Variants in AUTS2 observed in about 807,000 individuals in gnomAD.
AUTS2 encodes the protein autism susceptibility gene 2 protein.
Under a neutral mutation model 112.4 loss-of-function variants are expected in AUTS2, and 17 were observed. The ratio of observed to expected loss-of-function variants is 0.15; its 90% CI spans 0.10 to 0.23. AUTS2 has a LOEUF of 0.23. AUTS2 is among the 10% of genes least tolerant of loss of function. The pLI is 1.00. For synonymous variants in AUTS2, 751 were observed against 702.7 expected (o/e 1.07, Z -1.09); for missense variants, 1,510 against 1,701.6 (o/e 0.89, Z 1.98).
At chr7:70,314,061 C>T (rs565258630) in intron 4 of AUTS2, among the ~76,000 whole-genome samples, 2 of 152,322 alleles carry the variant, frequency 1.3e-5, no homozygotes, top group Admixed American at 6.5e-5. Context: ...GACATTTCCT[C>T]GTTCTTTCTC....
At chr7:69,690,889 G>A (rs574781201) in intron 1 of AUTS2, among the ~76,000 whole-genome samples, 117 of 152,300 alleles carry the variant, frequency 7.7e-4, no homozygotes, top group African/African-American at 2.8e-3. Flanking sequence ...TGAGCAAGGC[G>A]GAGAGGGGCT....
chr7:70,627,447 G>C (rs1805010611), intron 5 of AUTS2, among the ~76,000 whole-genome samples: 2 of 152,180 alleles, frequency 1.3e-5, no homozygotes, highest in Non-Finnish European at 2.9e-5. Context: ...TCTGTGGATT[G>C]CCTCTTTTCT....
chr7:70,430,043 G>A (rs1209979778), intron 4 of AUTS2, among the ~76,000 whole-genome samples: 1 of 152,156 alleles, frequency 6.6e-6, no homozygotes, highest in Non-Finnish European at 1.5e-5. Context: ...ATAGACCTTG[G>A]AAAGCAGTCA....
intron 1 of AUTS2, among the ~76,000 whole-genome samples, chr7:69,862,529 G>A (rs1264623648): frequency 6.6e-6 from 1 of 152,168 alleles, no homozygotes; most frequent in Non-Finnish European, 1.5e-5. Flanking sequence ...TTTCTGAAAG[G>A]AGGGCCATTA....
chr7:69,873,901 G>C (rs1466762563), intron 1 of AUTS2, among the ~76,000 whole-genome samples: 1 of 152,218 alleles, frequency 6.6e-6, no homozygotes, highest in Non-Finnish European at 1.5e-5. Flanking sequence ...ATACCTATCA[G>C]CACTTCTAGA....
At chr7:69,889,365 A>C (rs1330543589) in intron 1 of AUTS2, among the ~76,000 whole-genome samples, 1 of 152,226 alleles carries the variant, frequency 6.6e-6, no homozygotes, top group African/African-American at 2.4e-5. Flanking sequence ...AAGTACATTA[A>C]TTCTTTTCCT....
chr7:70,319,000 G>A (rs1408820510), intron 4 of AUTS2, among the ~76,000 whole-genome samples: 1 of 152,160 alleles, frequency 6.6e-6, no homozygotes, highest in Non-Finnish European at 1.5e-5. Flanking sequence ...TCTTGTAAAA[G>A]TGGTTTCTAA....
chr7:70,537,128 G>A (rs1260954152), intron 5 of AUTS2, among the ~76,000 whole-genome samples: 3 of 152,130 alleles, frequency 2.0e-5, no homozygotes, highest in African/African-American at 4.8e-5. Flanking sequence ...ATATGTTGGT[G>A]CTCATGCCAA....
chr7:70,608,609 G>A (rs886765685), intron 5 of AUTS2, among the ~76,000 whole-genome samples: 5 of 152,144 alleles, frequency 3.3e-5, no homozygotes, highest in East Asian at 1.9e-4. Context: ...AGGTATTCAC[G>A]ATGAACCACC....
At chr7:70,166,051 C>G (rs1471519042) in intron 4 of AUTS2, among the ~76,000 whole-genome samples, 1 of 152,140 alleles carries the variant, frequency 6.6e-6, no homozygotes, top group African/African-American at 2.4e-5. Context: ...GTAAGACGTG[C>G]TTGTTTCCCC....
intron 3 of AUTS2, among the ~76,000 whole-genome samples, chr7:70,130,173 A>G (rs1283807710): frequency 1.3e-5 from 2 of 152,204 alleles, no homozygotes; most frequent in Non-Finnish European, 2.9e-5. Flanking sequence ...GAATTTAAAA[A>G]TATTCAATTT....
At position 70,108,269 on chromosome 7, in the gene AUTS2, A is replaced by G. The variant is rs1804878647; in HGVS notation, c.523-9863A>G. On this transcript the variant is annotated intron_variant, in intron 2 of 18. Transcript: ENST00000342771. ...CAGAATTAATATTCAAGAAGTTCTG[A>G]TAGCTTGCAACCAAAGTATTTTATA... is the stretch of plus-strand genomic sequence containing the variant. Among the ~76,000 whole-genome samples, 4 of 152,202 alleles carry G rather than the reference A, an allele frequency of 2.6e-5. No homozygotes were observed. The South Asian group carries it at 8.3e-4, about 32-fold the overall frequency.
Position 70,608,848 on chromosome 7 carries a change from C to T in AUTS2, c.691-89721C>T, listed in dbSNP as rs1803921735. Among the ~76,000 whole-genome samples the T allele has an allele frequency of 2.6e-5, 4 of 152,194 alleles. No homozygotes were observed. In the South Asian group the frequency reaches 8.3e-4, roughly 32 times the overall value. ...ATTTGGTGACTTGCCCGATTAAATG[C>T]AATAAAGACTACATGTCTTAGCCAC... On this transcript the variant is annotated intron_variant, in intron 5 of 18. Coordinates refer to ENST00000342771, the MANE Select transcript of AUTS2 (RefSeq NM_015570.4).
intron 2 of AUTS2, among the ~76,000 whole-genome samples, chr7:69,974,337 G>T (rs969124222): frequency 1.5e-4 from 23 of 148,896 alleles, no homozygotes; most frequent in Admixed American, 6.1e-4. Flanking sequence ...CTAGATGTTT[G>T]TCAATTTTAT....
intron 1 of AUTS2, among the ~76,000 whole-genome samples, chr7:69,893,599 C>T (rs1794615476): frequency 6.6e-6 from 1 of 152,174 alleles, no homozygotes; most frequent in African/African-American, 2.4e-5. Flanking sequence ...GTTTAAATTG[C>T]AAGCCCCTCA....
intron 4 of AUTS2, among the ~76,000 whole-genome samples, chr7:70,319,484 G>A (rs1234764689): frequency 6.6e-6 from 1 of 152,126 alleles, no homozygotes; most frequent in Non-Finnish European, 1.5e-5. Context: ...TAAATACTTT[G>A]GAGTATATCA....
At chr7:70,096,426 A>G (rs958058971) in intron 2 of AUTS2, among the ~76,000 whole-genome samples, 2 of 151,674 alleles carry the variant, frequency 1.3e-5, no homozygotes, top group African/African-American at 4.8e-5. Context: ...GTGAAACCCC[A>G]TCTCTACTAA....
chr7:70,772,755 CA>C lies in AUTS2; in HGVS notation c.1830+1112del, dbSNP rs1258695229. ...GAATTGCAGCCTATATGCAAGGTTA[CA>C]GATATACAGGGCTTTTATGACTGCC... is the stretch of plus-strand genomic sequence containing the variant. On this transcript the variant is annotated intron_variant, in intron 11 of 18. Coordinates refer to ENST00000342771, the MANE Select transcript of AUTS2 (RefSeq NM_015570.4). 6.6e-5 allele frequency among the ~76,000 whole-genome samples: 10 copies of C among 152,354 alleles called. No homozygotes were observed. In the East Asian group the frequency reaches 1.9e-3, roughly 29 times the overall value.
intron 1 of AUTS2, among the ~76,000 whole-genome samples, chr7:69,669,866 C>T (rs969111828): frequency 3.9e-5 from 6 of 151,938 alleles, no homozygotes; most frequent in Non-Finnish European, 8.8e-5. Flanking sequence ...TATTGAACAC[C>T]ATTTGTATGC....
Sources: allele counts gnomAD v4.1 joint callset (sites outside exome capture counted in the v4.1 genomes callset), GRCh38; gene constraint gnomAD v4.1.1; transcripts MANE v1.5; gene names NCBI Gene and HGNC (gene_info 2026-07-23, HGNC 2026-07-21).